The following OSBPL3 variants were observed in gnomAD, a reference collection of about 807,000 sequenced individuals.
OSBPL3 encodes the protein oxysterol binding protein like 3.
Under a neutral mutation model 120.1 loss-of-function variants are expected in OSBPL3, and 65 were observed. The ratio of observed to expected loss-of-function variants is 0.54; its 90% CI spans 0.44 to 0.67. The LOEUF is 0.67. OSBPL3 is among the 30% of genes least tolerant of loss of function. OSBPL3 has a pLI of 0.00. For missense variants in OSBPL3, 1,004 were observed against 1,082.1 expected (o/e 0.93, Z 1.01); for synonymous variants, 416 against 402.6 (o/e 1.03, Z -0.40).
At chr7:24,876,820 G>A (rs1156661587) in intron 2 of OSBPL3, among the ~76,000 whole-genome samples, 2 of 152,114 alleles carry the variant, frequency 1.3e-5, no homozygotes, top group Non-Finnish European at 2.9e-5. Flanking sequence ...TATGAAAGCA[G>A]GAACCTTTTC....
rs17297340 is a variant in OSBPL3 at position 24,972,967 on chromosome 7, A to G, written c.-150+6919T>C. Reference sequence around the variant, plus strand: ...TAATACATATTTGGAGAAATGTTACATTGAGGAAAGTATCTGACCCACACA... The same window carrying G: ...TAATACATATTTGGAGAAATGTTACGTTGAGGAAAGTATCTGACCCACACA... On this transcript the variant is annotated intron_variant, in intron 1 of 22. Coordinates refer to ENST00000313367, the MANE Select transcript of OSBPL3 (RefSeq NM_015550.4). This position sits in a 1 kb window ranked among gnomAD's most constrained non-coding sequence, Gnocchi z 4.3. 0.08 allele frequency among the ~76,000 whole-genome samples: 12,243 copies of G among 152,280 alleles called. 645 individuals are homozygous for G. Among genetic ancestry groups the G allele is most frequent in the Admixed American group, 0.13 (2,064 of 15,306 alleles).
intron 1 of OSBPL3, among the ~76,000 whole-genome samples, chr7:24,928,249 C>T (rs1483270143): frequency 3.4e-5 from 5 of 148,380 alleles, no homozygotes; most frequent in South Asian, 2.1e-4. Flanking sequence ...TGGAGTGCAG[C>T]AGCACGATCT....
At position 24,810,314 on chromosome 7, in the gene OSBPL3, G is replaced by A. The variant is rs138112537; in HGVS notation, c.2173-363C>T. On this transcript the variant is annotated intron_variant, in intron 19 of 22. Coordinates refer to ENST00000313367, the MANE Select transcript of OSBPL3 (RefSeq NM_015550.4). The stretch of plus-strand genomic sequence containing the variant: ...CAAGGCAGGCAGATCACCTAAGGTC[G>A]GGAGTTCAAGACCAGCCTGACCAAC... The A allele has an allele frequency of 7.9e-4, 134 of 168,924 alleles. No individual in the cohort carries two copies. The East Asian group carries it at 0.02, about 25-fold the overall frequency. 10.5% of individuals were successfully genotyped at this position (168,924 alleles called of 1,614,324 possible).
chr7:24,931,493 A>C (rs548331615), intron 1 of OSBPL3, among the ~76,000 whole-genome samples: 5 of 152,254 alleles, frequency 3.3e-5, no homozygotes, highest in African/African-American at 1.2e-4. Context: ...ATGGAAACAG[A>C]GGAAGAAAAG....
rs773727764 is a variant in OSBPL3, at chr7:24,849,087, C to T, written c.1248G>A (p.Ser416=). 12 of 1,613,264 alleles carry T rather than the reference C, an allele frequency of 7.4e-6. No homozygotes were observed. The highest frequency in any genetic ancestry group is 6.7e-5 in the Admixed American group (4 of 59,986). The part of the protein sequence containing the change: ...LLLDSPAVAK[S]GDNLAEENSR... ...TACCCACCTCTGCCAGATTGTCACCCGACTTGGCGACAGCGGGGGAGTCGA... is the reference window on the plus strand; with the variant it reads ...TACCCACCTCTGCCAGATTGTCACCTGACTTGGCGACAGCGGGGGAGTCGA... Residue 416 remains serine (S), a synonymous_variant, in exon 12 of 23, where the codon TCG becomes TCA. Transcript: ENST00000313367. This position sits in a 1 kb window ranked among gnomAD's most constrained non-coding sequence, Gnocchi z 5.4.
chr7:24,902,865 C>T (rs1342132955), intron 1 of OSBPL3, among the ~76,000 whole-genome samples: 1 of 152,096 alleles, frequency 6.6e-6, no homozygotes, highest in Non-Finnish European at 1.5e-5. Flanking sequence ...TGGCTCACCA[C>T]TGATAATCTT....
rs1055760675 is a variant in OSBPL3 at position 24,802,664 on chromosome 7, C to T, written c.2567+1651G>A. On this transcript the variant is annotated intron_variant, in intron 22 of 22. Transcript: ENST00000313367. The surrounding 1 kb of genome is among the most constrained non-coding windows in gnomAD (Gnocchi z 4.1). The stretch of plus-strand genomic sequence containing the variant: ...GAATCTCCTTAACTAGTCCTTGAGA[C>T]AGTTTGGTTACCTACCATTTTTAAT... Among the ~76,000 whole-genome samples, 2 of 152,158 alleles carry T rather than the reference C, an allele frequency of 1.3e-5. No homozygotes were observed. The highest frequency in any genetic ancestry group is 2.9e-5 in the Non-Finnish European group (2 of 68,030).
chr7:24,903,215 C>G (rs998015768), intron 1 of OSBPL3, among the ~76,000 whole-genome samples: 3 of 152,198 alleles, frequency 2.0e-5, no homozygotes, highest in Non-Finnish European at 4.4e-5. Flanking sequence ...CCAGCCTCAA[C>G]TTGACAGTTC....
chr7:24,868,878 T>C (rs1801725169), intron 5 of OSBPL3, among the ~76,000 whole-genome samples: 1 of 152,250 alleles, frequency 6.6e-6, no homozygotes, highest in South Asian at 2.1e-4. Context: ...CTCACTTTTC[T>C]ATGAGTTAAA....
intron 1 of OSBPL3, among the ~76,000 whole-genome samples, chr7:24,962,831 C>A (rs1815941663): frequency 6.6e-6 from 1 of 152,200 alleles, no homozygotes; most frequent in African/African-American, 2.4e-5. Context: ...TGTCCTTATG[C>A]TGGATGAGTT....
chr7:24,929,444 C>T (rs1321456774), intron 1 of OSBPL3, among the ~76,000 whole-genome samples: 1 of 152,058 alleles, frequency 6.6e-6, no homozygotes, highest in Admixed American at 6.6e-5. Context: ...AATTCTTGTA[C>T]TAAGTAAAAA....
At position 24,867,240 on chromosome 7, in the gene OSBPL3, C is replaced by A. The variant is rs1016101111; in HGVS notation, c.382-1003G>T. On this transcript the variant is annotated intron_variant, in intron 5 of 22. Coordinates refer to ENST00000313367, the MANE Select transcript of OSBPL3 (RefSeq NM_015550.4). This position sits in a 1 kb window ranked among gnomAD's most constrained non-coding sequence, Gnocchi z 4.5. ...TCTATCCCTACTGAAAATATTAGCA[C>A]CATTTTTCTTTTTAAACTCTTTTAT... Among the ~76,000 whole-genome samples the A allele has an allele frequency of 2.0e-5, 3 of 152,204 alleles. No individual in the cohort carries two copies. The highest frequency in any genetic ancestry group is 4.8e-5 in the African/African-American group (2 of 41,442).
At chr7:24,929,456 G>A (rs1811507593) in intron 1 of OSBPL3, among the ~76,000 whole-genome samples, 1 of 151,938 alleles carries the variant, frequency 6.6e-6, no homozygotes, top group Admixed American at 6.5e-5. Context: ...AAGTAAAAAT[G>A]AACATCAATA....
At chr7:24,841,717 A>AAAAAAAAAAAAAAAGAAAAG (rs70942886) in intron 13 of OSBPL3, among the ~76,000 whole-genome samples, 3 of 82,792 alleles carry the variant, frequency 3.6e-5, no homozygotes, top group Non-Finnish European at 6.8e-5. Flanking sequence ...AAAAAAAAAA[A>AAAAAAAAAAAAAAAGAAAAG]AAAAGAGGCC....
rs1791848680 is a variant in OSBPL3 at position 24,797,538 on chromosome 7, G to C, written c.*2645C>G. The C allele has an allele frequency of 6.6e-6, 1 of 152,090 alleles. No individual in the cohort carries two copies. The highest frequency in any genetic ancestry group is 2.1e-4 in the South Asian group (1 of 4,824). 9.4% of individuals were successfully genotyped at this position (152,090 alleles called of 1,614,324 possible). A position where few individuals can be genotyped will look rare whatever the true frequency, so the allele number is the denominator to read the frequency against. On this transcript the variant is annotated 3_prime_UTR_variant, in exon 23 of 23. Coordinates refer to ENST00000313367, the MANE Select transcript of OSBPL3 (RefSeq NM_015550.4). This position sits in a 1 kb window ranked among gnomAD's most constrained non-coding sequence, Gnocchi z 4.8. ...GGAATACCAGCCTTGGGGTGCTTTG[G>C]GGCCTGGGGAGGGAAGTGACTGGCT...
chr7:24,829,948 C>T (rs375785216), intron 16 of OSBPL3, among the ~76,000 whole-genome samples: 70 of 152,268 alleles, frequency 4.6e-4, no homozygotes, highest in African/African-American at 1.6e-3. Context: ...GCTCCAAGTG[C>T]TTTGCAGACA....
Position 24,804,192 on chromosome 7 carries a change from G to C in OSBPL3, c.2567+123C>G. 1 of 1,169,990 alleles carries C rather than the reference G, an allele frequency of 8.5e-7. No individual in the cohort carries two copies. The highest frequency in any genetic ancestry group is 2.3e-5 in the East Asian group (1 of 42,714). 72.5% of individuals were successfully genotyped at this position (1,169,990 alleles called of 1,614,324 possible). A position where few individuals can be genotyped will look rare whatever the true frequency, so the allele number is the denominator to read the frequency against. On this transcript the variant is annotated intron_variant, in intron 22 of 22. Coordinates refer to ENST00000313367, the MANE Select transcript of OSBPL3 (RefSeq NM_015550.4). The surrounding 1 kb of genome is among the most constrained non-coding windows in gnomAD (Gnocchi z 5.4). ...CACAGAGGAGCAGTACCCCCACGTG[G>C]AAGCAGGAAAAGCCTGGAGAATGCT...
intron 1 of OSBPL3, among the ~76,000 whole-genome samples, chr7:24,969,283 G>T (rs945337375): frequency 4.1e-4 from 62 of 152,164 alleles, no homozygotes; most frequent in African/African-American, 1.4e-3. Context: ...TCATCTGTAT[G>T]CCATTTCGTG....
intron 6 of OSBPL3, 126 bp downstream of exon 6, chr7:24,865,944 A>G: frequency 2.8e-6 from 2 of 705,972 alleles, no homozygotes; most frequent in Non-Finnish European, 4.9e-6. Flanking sequence ...CTAATTAAAT[A>G]CCAGCCCAAG....
Sources: allele counts gnomAD v4.1 joint callset (sites outside exome capture counted in the v4.1 genomes callset), GRCh38; gene constraint gnomAD v4.1.1; non-coding constraint Gnocchi (gnomAD v3.1); transcripts MANE v1.5; gene names NCBI Gene and HGNC (gene_info 2026-07-23, HGNC 2026-07-21).